SLCO1C1: variants seen among roughly 807,000 people sequenced by gnomAD.
SLCO1C1 encodes the protein OAT-RP-5.
Under a neutral mutation model 76.4 loss-of-function variants are expected in SLCO1C1, and 70 were observed. That is an observed-to-expected ratio of 0.92 (90% confidence interval 0.76 to 1.12). SLCO1C1 has a LOEUF of 1.12. Among genes scored for constraint, SLCO1C1 ranks in the 50% most tolerant of loss-of-function variants. The pLI is 0.00. For synonymous variants in SLCO1C1, 306 were observed against 286.1 expected (o/e 1.07, Z -0.70); for missense variants, 912 against 823.8 (o/e 1.11, Z -1.31).
At chr12:20,741,005 A>G (rs537919078) in intron 12 of SLCO1C1, among the ~76,000 whole-genome samples, 117 of 151,974 alleles carry the variant, frequency 7.7e-4, no homozygotes, top group African/African-American at 2.7e-3. Context: ...ACAGTTCCGC[A>G]TGGCTGGAGA....
At chr12:20,750,095 C>G (rs1949226026) in intron 13 of SLCO1C1, among the ~76,000 whole-genome samples, 1 of 152,146 alleles carries the variant, frequency 6.6e-6, no homozygotes, top group Admixed American at 6.5e-5. Flanking sequence ...AACTACTCTT[C>G]TTTTGGAACA....
chr12:20,727,795 C>T (rs1948095327), intron 9 of SLCO1C1, among the ~76,000 whole-genome samples: 1 of 152,228 alleles, frequency 6.6e-6, no homozygotes, highest in Non-Finnish European at 1.5e-5. Flanking sequence ...AGGCGTGAGC[C>T]ACTGCGCCCG....
intron 5 of SLCO1C1, among the ~76,000 whole-genome samples, chr12:20,712,115 CT>C (rs1290034496): frequency 2.0e-5 from 3 of 152,158 alleles, no homozygotes; most frequent in East Asian, 3.9e-4. Flanking sequence ...CATGTTCATA[CT>C]TTTTTTTCTC....
chr12:20,713,939 A>G (rs1251355580), intron 5 of SLCO1C1, among the ~76,000 whole-genome samples: 1 of 152,250 alleles, frequency 6.6e-6, no homozygotes, highest in Non-Finnish European at 1.5e-5. Context: ...TCTTAAAATT[A>G]TACAATTGCT....
intron 10 of SLCO1C1, among the ~76,000 whole-genome samples, chr12:20,736,573 A>G (rs1051295926): frequency 2.0e-5 from 3 of 152,168 alleles, no homozygotes; most frequent in African/African-American, 7.2e-5. Flanking sequence ...GGTTACACAC[A>G]TGCAAGAGGA....
At chr12:20,720,413 T>C (rs1447804658) in intron 7 of SLCO1C1, among the ~76,000 whole-genome samples, 3 of 152,230 alleles carry the variant, frequency 2.0e-5, no homozygotes, top group Admixed American at 6.5e-5. Context: ...TGATCAGTAG[T>C]GATTTCTAAT....
intron 7 of SLCO1C1, among the ~76,000 whole-genome samples, chr12:20,717,692 T>TA (rs1947448328): frequency 2.6e-5 from 3 of 117,196 alleles, no homozygotes; most frequent in South Asian, 5.6e-4. Context: ...TTTTTTTTTT[T>TA]ACTCTGCAAG....
intron 12 of SLCO1C1, 146 bp downstream of exon 12, chr12:20,740,514 T>C: frequency 1.4e-6 from 1 of 691,388 alleles, no homozygotes. Context: ...TTTATATATA[T>C]CGCACTTTGG....
chr12:20,710,195 CTTTTCTTT>C (rs1947006627), intron 4 of SLCO1C1, among the ~76,000 whole-genome samples: 3 of 125,176 alleles, frequency 2.4e-5, no homozygotes, highest in Admixed American at 7.8e-5. Context: ...CAGTTCTCTA[CTTTTCTTT>C]TTTTTTTTTT....
At chr12:20,750,628 A>C (rs368900411) in intron 13 of SLCO1C1, 47 bp from the exon 14 acceptor site, 3 of 1,548,562 alleles carry the variant, frequency 1.9e-6, no homozygotes, top group African/African-American at 2.7e-5. Context: ...TCATAGACAA[A>C]AAGATGTGCA....
At chr12:20,738,853 C>T (rs1425320774) in intron 11 of SLCO1C1, among the ~76,000 whole-genome samples, 4 of 152,048 alleles carry the variant, frequency 2.6e-5, no homozygotes, top group African/African-American at 9.7e-5. Context: ...AAAGGACTTG[C>T]TTAACTCATT....
At chr12:20,742,996 T>C (rs1465503201) in intron 12 of SLCO1C1, among the ~76,000 whole-genome samples, 1 of 152,178 alleles carries the variant, frequency 6.6e-6, no homozygotes, top group Non-Finnish European at 1.5e-5. Flanking sequence ...TTCTTAGGAA[T>C]TTGAGTTTTA....
intron 4 of SLCO1C1, among the ~76,000 whole-genome samples, chr12:20,708,886 G>T (rs1046874788): frequency 2.6e-5 from 4 of 152,168 alleles, no homozygotes; most frequent in African/African-American, 9.7e-5. Context: ...AGCTGATGTT[G>T]CTGGTCTGCA....
At chr12:20,747,383 T>G (rs1949095717) in intron 13 of SLCO1C1, among the ~76,000 whole-genome samples, 1 of 152,010 alleles carries the variant, frequency 6.6e-6, no homozygotes, top group Non-Finnish European at 1.5e-5. Flanking sequence ...GAGCCAAGAT[T>G]GTGCCACTGC....
chr12:20,701,413 T>C lies in SLCO1C1; in HGVS notation c.225T>C (p.Asp75=), dbSNP rs985387101. Residue 75 remains aspartate (D), a synonymous_variant, in exon 3 of 15, where the codon GAT becomes GAC. Coordinates refer to ENST00000266509, the MANE Select transcript of SLCO1C1 (RefSeq NM_017435.5). ...TCACTCAGATAGAGAGAAGGTTTGA[T>C]ATCCCTTCTTCACTGGTGGGAGTTA... ...STITQIERRF[D]IPSSLVGVID... The C allele has an allele frequency of 1.4e-5, 22 of 1,556,130 alleles. No individual in the cohort carries two copies. Among genetic ancestry groups the C allele is most frequent in the Non-Finnish European group, 1.8e-5 (21 of 1,137,740 alleles).
Position 20,705,804 on chromosome 12 carries a change from A to G in SLCO1C1, c.272-145A>G, listed in dbSNP as rs1013732975. The stretch of plus-strand genomic sequence containing the variant: ...ACATGAGAATTTCAAGGGTCATCTC[A>G]GATTAAAGGAAAAAAATTAAATGAT... On this transcript the variant is annotated intron_variant, in intron 3 of 14. Transcript: ENST00000266509. 18 of 703,208 alleles carry G rather than the reference A, an allele frequency of 2.6e-5. No homozygotes were observed. The Middle Eastern group carries it at 1.2e-3, about 49-fold the overall frequency. The allele number at this position is 703,208 out of a possible 1,614,324, so 43.6% of individuals were successfully genotyped here. A position where few individuals can be genotyped will look rare whatever the true frequency, so the allele number is the denominator to read the frequency against.
chr12:20,700,813 T>A (rs994552223), intron 2 of SLCO1C1, among the ~76,000 whole-genome samples: 1 of 152,110 alleles, frequency 6.6e-6, no homozygotes, highest in East Asian at 1.9e-4. Flanking sequence ...GACTATGAAT[T>A]TAATAAGTAT....
intron 13 of SLCO1C1, among the ~76,000 whole-genome samples, chr12:20,748,217 T>A (rs1202210109): frequency 6.6e-6 from 1 of 152,176 alleles, no homozygotes. Flanking sequence ...TCCATAGGCT[T>A]TACTTCCCTC....
At chr12:20,748,337 A>C (rs934132283) in intron 13 of SLCO1C1, among the ~76,000 whole-genome samples, 1 of 152,200 alleles carries the variant, frequency 6.6e-6, no homozygotes, top group Non-Finnish European at 1.5e-5. Flanking sequence ...AAAACCAGAA[A>C]TCTCTCTCCT....
Sources: gnomAD v4.1 joint callset for allele counts (sites outside exome capture counted in the v4.1 genomes callset) on GRCh38, gnomAD v4.1.1 for gene constraint, MANE v1.5 for transcripts, NCBI Gene and HGNC (gene_info 2026-07-23, HGNC 2026-07-21) for gene names.